The following FRG1 variants were observed in gnomAD, a reference collection of about 807,000 sequenced individuals.
FRG1 encodes the protein protein FRG1.
Under a neutral mutation model 37.0 loss-of-function variants are expected in FRG1, and 19 were observed. That is an observed-to-expected ratio of 0.51 (90% CI 0.36 to 0.75). The LOEUF is 0.75. FRG1 is among the 30% of genes least tolerant of loss of function. The pLI is 0.00. For synonymous variants in FRG1, 73 were observed against 96.5 expected, an observed-to-expected ratio of 0.76 and a Z score of 1.43; for missense variants, 243 against 301.4, an observed-to-expected ratio of 0.81 and a Z score of 1.44.
At chr4:189,948,952 C>G (rs1736643043) in intron 2 of FRG1, among the ~76,000 whole-genome samples, 1 of 152,256 alleles carries the variant, frequency 6.6e-6, no homozygotes, top group Non-Finnish European at 1.5e-5. Context: ...TTCCACCTCT[C>G]AAAGTGCTGG....
At chr4:189,948,719 C>T (rs890207143) in intron 2 of FRG1, among the ~76,000 whole-genome samples, 2 of 152,230 alleles carry the variant, frequency 1.3e-5, no homozygotes, top group Non-Finnish European at 2.9e-5. Flanking sequence ...GAGACAGGCT[C>T]TTGCTTTGTT....
At chr4:189,948,507 A>G (rs1223993171) in intron 2 of FRG1, among the ~76,000 whole-genome samples, 1 of 152,228 alleles carries the variant, frequency 6.6e-6, no homozygotes, top group Non-Finnish European at 1.5e-5. Context: ...TTCCATTTCC[A>G]AATCTAAGAT....
chr4:189,957,635 A>G (rs897919555), intron 6 of FRG1, 133 bp downstream of exon 6: 56 of 774,550 alleles, frequency 7.2e-5, no homozygotes, highest in African/African-American at 1.1e-4. Context: ...GGTGTTTCAA[A>G]TAGACTCATT....
Position 189,943,204 on chromosome 4 carries a change from A to G in FRG1, c.65A>G (p.Lys22Arg), listed in dbSNP as rs1425444480. The change falls in exon 2 of 9, where the codon AAG becomes AGG. Residue 22 changes from lysine to arginine, a missense_variant and splice_region_variant. This residue lies in a region of FRG1 where 110 missense variants were observed against 102.2 expected (regional missense o/e 1.08). Transcript: ENST00000226798. ...LVLKGTKTKS[K>R]KKKSKDKKRK... ...TCTATATAAATTATGTCCTGTAGTA[A>G]GAAGAAAAAGAGCAAAGATAAGAAA... is the stretch of plus-strand genomic sequence containing the variant. The G allele has an allele frequency of 6.3e-7, 1 of 1,589,274 alleles. No individual in the cohort carries two copies. The highest frequency in any genetic ancestry group is 1.1e-5 in the South Asian group (1 of 88,250).
chr4:189,941,450 A>G (rs1279445462), intron 1 of FRG1, among the ~76,000 whole-genome samples: 2 of 152,126 alleles, frequency 1.3e-5, no homozygotes, highest in Non-Finnish European at 2.9e-5. Context: ...TCTTTCTAGA[A>G]AACTTATTAA....
chr4:189,957,977 T>C (rs931127073), intron 6 of FRG1, among the ~76,000 whole-genome samples: 1 of 152,110 alleles, frequency 6.6e-6, no homozygotes, highest in African/African-American at 2.4e-5. Context: ...TATAAACATA[T>C]GAATATGTTT....
intron 5 of FRG1, among the ~76,000 whole-genome samples, chr4:189,956,555 A>G (rs4145510): frequency 0.43 from 65,175 of 152,040 alleles, 16,510 homozygotes; most frequent in African/African-American, 0.72. Context: ...GGACCACACC[A>G]CCATGTTCCA....
At position 189,940,953 on chromosome 4, in the gene FRG1, C is replaced by A; in HGVS notation, c.-57C>A. On this transcript the variant is annotated 5_prime_UTR_variant, in exon 1 of 9. Transcript: ENST00000226798. ...TCTCCGCGCCCCTGTGCTGCCCCGA[C>A]TCACATACTCGTCCAGAACCGGCCT... 1 of 1,426,470 alleles carries A rather than the reference C, an allele frequency of 7.0e-7. No individual in the cohort carries two copies. Among genetic ancestry groups the A allele is most frequent in the Non-Finnish European group, 9.8e-7 (1 of 1,015,270 alleles). The allele number at this position is 1,426,470 out of a possible 1,614,324, so 88.4% of individuals were successfully genotyped here.
intron 5 of FRG1, among the ~76,000 whole-genome samples, chr4:189,955,762 A>G (rs190807420): frequency 3.9e-5 from 6 of 152,308 alleles, no homozygotes; most frequent in African/African-American, 1.4e-4. Context: ...TGTTTGTGTG[A>G]GAAGTAAAGA....
In FRG1 at chr4:189,946,500, C is replaced by T. The variant is rs566334621; in HGVS notation, c.133+3228C>T. Reference sequence around the variant, plus strand: ...ATTTTCAGTCTTTTATTTTTTTCCTCCCTTTAACTTATTTTCAGTTTACTT... The same window carrying T: ...ATTTTCAGTCTTTTATTTTTTTCCTTCCTTTAACTTATTTTCAGTTTACTT... On this transcript the variant is annotated intron_variant, in intron 2 of 8. Coordinates refer to ENST00000226798, the MANE Select transcript of FRG1 (RefSeq NM_004477.3). Among the ~76,000 whole-genome samples, 3 of 151,762 alleles carry T rather than the reference C, an allele frequency of 2.0e-5. No homozygotes were observed. The East Asian group carries it at 5.8e-4, about 29-fold the overall frequency.
At chr4:189,949,005 G>GA (rs1736645817) in intron 2 of FRG1, among the ~76,000 whole-genome samples, 1 of 152,136 alleles carries the variant, frequency 6.6e-6, no homozygotes, top group East Asian at 1.9e-4. Flanking sequence ...TAAACTATGT[G>GA]ACAATATGTG....
chr4:189,956,864 G>A (rs1036446392), intron 5 of FRG1, among the ~76,000 whole-genome samples: 3 of 152,128 alleles, frequency 2.0e-5, no homozygotes, highest in African/African-American at 4.8e-5. Flanking sequence ...TTAATAGAAA[G>A]CAGTGTAATA....
chr4:189,943,117 T>G (rs941198642), intron 1 of FRG1, 85 bp from the exon 2 acceptor site: 26 of 1,402,322 alleles, frequency 1.9e-5, no homozygotes, highest in Non-Finnish European at 2.3e-5. Flanking sequence ...TGAAACAGCT[T>G]AAAAGACTTT....
intron 8 of FRG1, among the ~76,000 whole-genome samples, chr4:189,962,638 G>A (rs1011698125): frequency 6.6e-6 from 1 of 152,066 alleles, no homozygotes; most frequent in African/African-American, 2.4e-5. Context: ...CATACCTAAA[G>A]TCAGTAAATA....
At chr4:189,948,841 C>A (rs7690951) in intron 2 of FRG1, among the ~76,000 whole-genome samples, 34,412 of 148,400 alleles carry the variant, frequency 0.23, 294 homozygotes, top group Middle Eastern at 0.34. Flanking sequence ...CAGGCTCGTA[C>A]CACCACACCC....
intron 6 of FRG1, among the ~76,000 whole-genome samples, chr4:189,958,596 G>A (rs557848889): frequency 1.3e-3 from 197 of 151,332 alleles, no homozygotes; most frequent in African/African-American, 4.6e-3. Flanking sequence ...TCCCTCATCC[G>A]TAGTCAGACG....
intron 4 of FRG1, among the ~76,000 whole-genome samples, chr4:189,954,207 TAA>T (rs58568120): frequency 2.2e-4 from 33 of 151,494 alleles, no homozygotes; most frequent in Non-Finnish European, 1.0e-4. Context: ...TCATAATGTT[TAA>T]AAAAAAATGC....
rs113776201 is a variant in FRG1, at chr4:189,943,311, A to G, written c.133+39A>G. The G allele has an allele frequency of 3.8e-6, 6 of 1,581,266 alleles. No individual in the cohort carries two copies. In the African/African-American group the frequency reaches 5.5e-5, roughly 14 times the overall value. The stretch of plus-strand genomic sequence containing the variant: ...CAGTGCTCTATTCTGAAAAAAGTTA[A>G]TGTTTCTTGAGATCTCCTTGAAAGT... On this transcript the variant is annotated intron_variant, in intron 2 of 8. Coordinates refer to ENST00000226798, the MANE Select transcript of FRG1 (RefSeq NM_004477.3).
chr4:189,945,210 C>A (rs1389008341), intron 2 of FRG1, among the ~76,000 whole-genome samples: 1 of 152,150 alleles, frequency 6.6e-6, no homozygotes, highest in Non-Finnish European at 1.5e-5. Flanking sequence ...CTGTGACTAT[C>A]GTTTTACTTC....
Sources: gnomAD v4.1 joint callset for allele counts (sites outside exome capture counted in the v4.1 genomes callset) on GRCh38, gnomAD v4.1.1 for gene constraint, gnomAD v4.1.1 regional missense constraint, MANE v1.5 for transcripts, NCBI Gene and HGNC (gene_info 2026-07-23, HGNC 2026-07-21) for gene names.